Variants in FGF1 observed in about 807,000 individuals in gnomAD.
FGF1 encodes the protein beta-endothelial cell growth factor.
A neutral mutation model predicts 13.4 loss-of-function variants in FGF1; 9 were observed. That is an observed-to-expected ratio of 0.67 (90% CI 0.40 to 1.17). The LOEUF is 1.17. Among genes scored for constraint, FGF1 ranks in the 50% most tolerant of loss-of-function variants. FGF1 has a pLI of 0.01. For missense variants in FGF1, 156 were observed against 192.7 expected, an observed-to-expected ratio of 0.81 and a Z score of 1.13; for synonymous variants, 93 against 79.0, an observed-to-expected ratio of 1.18 and a Z score of -0.94.
chr5:142,651,947 G>A (rs112741316), intron 1 of FGF1, among the ~76,000 whole-genome samples: 3,288 of 151,766 alleles, frequency 0.022, 113 homozygotes, highest in African/African-American at 0.075. Flanking sequence ...GAGAGAATTT[G>A]TAATAACGAT....
At chr5:142,646,761 G>C (rs1449611310) in intron 1 of FGF1, among the ~76,000 whole-genome samples, 1 of 152,182 alleles carries the variant, frequency 6.6e-6, no homozygotes, top group Non-Finnish European at 1.5e-5. Flanking sequence ...CAAAGTGCTA[G>C]GATTACAGGT....
intron 3 of FGF1, among the ~76,000 whole-genome samples, chr5:142,600,456 C>A (rs1210750138): frequency 6.6e-6 from 1 of 152,118 alleles, no homozygotes; most frequent in Non-Finnish European, 1.5e-5. Flanking sequence ...GAAGAGTTAC[C>A]AAAACATCAA....
intron 1 of FGF1, among the ~76,000 whole-genome samples, chr5:142,636,065 C>A (rs1340096849): frequency 2.0e-5 from 3 of 152,162 alleles, no homozygotes; most frequent in Non-Finnish European, 4.4e-5. Context: ...GAGGGTGAGG[C>A]AACATAAGTG....
chr5:142,634,254 C>T (rs568669233), intron 1 of FGF1, among the ~76,000 whole-genome samples: 10 of 151,576 alleles, frequency 6.6e-5, no homozygotes, highest in South Asian at 4.2e-4. Flanking sequence ...TTTATGTGTG[C>T]TCCTTTTATC....
chr5:142,614,497 CAAATT>C (rs1256360396), intron 1 of FGF1, among the ~76,000 whole-genome samples: 3 of 152,158 alleles, frequency 2.0e-5, no homozygotes, highest in African/African-American at 7.2e-5. Context: ...CACACATCCT[CAAATT>C]AAACACCAAA....
chr5:142,692,319 A>G (rs1227756597), intron 2 of FGF1, among the ~76,000 whole-genome samples: 5 of 152,198 alleles, frequency 3.3e-5, no homozygotes, highest in African/African-American at 4.8e-5. Flanking sequence ...CCTGGATGAC[A>G]GAGAAAGACC....
intron 1 of FGF1, among the ~76,000 whole-genome samples, chr5:142,654,229 A>T (rs551021270): frequency 2.2e-4 from 34 of 152,348 alleles, no homozygotes; most frequent in African/African-American, 7.5e-4. Context: ...TTTCTAACAC[A>T]GTGCTCAGCT....
chr5:142,679,720 T>C (rs1773357441), intron 1 of FGF1, among the ~76,000 whole-genome samples: 1 of 152,208 alleles, frequency 6.6e-6, no homozygotes, highest in African/African-American at 2.4e-5. Flanking sequence ...TTCTTCCCTC[T>C]TGGGCCTTGG....
chr5:142,694,973 C>A (rs1434227358), intron 2 of FGF1, among the ~76,000 whole-genome samples: 1 of 152,138 alleles, frequency 6.6e-6, no homozygotes, highest in African/African-American at 2.4e-5. Context: ...TGACCCATCA[C>A]CTGTGCCCTT....
At chr5:142,675,447 T>C (rs1370494113) in intron 1 of FGF1, among the ~76,000 whole-genome samples, 1 of 152,116 alleles carries the variant, frequency 6.6e-6, no homozygotes, top group Non-Finnish European at 1.5e-5. Flanking sequence ...GTGCTCATGG[T>C]CACCTGGTGC....
chr5:142,677,355 C>T (rs529950341), intron 1 of FGF1, among the ~76,000 whole-genome samples: 3 of 152,322 alleles, frequency 2.0e-5, no homozygotes, highest in Admixed American at 2.0e-4. Flanking sequence ...GGATCCATGT[C>T]TCCCTTCTGG....
chr5:142,681,582 T>C (rs1773701867), intron 1 of FGF1, among the ~76,000 whole-genome samples: 1 of 152,226 alleles, frequency 6.6e-6, no homozygotes, highest in South Asian at 2.1e-4. Context: ...TTCCAAATCC[T>C]GGCCTACTTT....
intron 2 of FGF1, among the ~76,000 whole-genome samples, chr5:142,608,803 G>A (rs1758409390): frequency 6.7e-6 from 1 of 149,218 alleles, no homozygotes; most frequent in Admixed American, 6.7e-5. Flanking sequence ...TATTATGTGT[G>A]TGTGTGTGTG....
intron 1 of FGF1, among the ~76,000 whole-genome samples, chr5:142,652,928 G>C (rs1287837748): frequency 5.9e-5 from 9 of 152,218 alleles, no homozygotes; most frequent in African/African-American, 2.2e-4. Flanking sequence ...CATCAAATAA[G>C]ATTTGTTTTC....
At chr5:142,661,288 G>T (rs771145656) in intron 1 of FGF1, among the ~76,000 whole-genome samples, 1 of 152,118 alleles carries the variant, frequency 6.6e-6, no homozygotes. Flanking sequence ...AATCAAAAGC[G>T]CAATATCACT....
chr5:142,631,300 T>A (rs1215221371), intron 1 of FGF1, among the ~76,000 whole-genome samples: 1 of 152,224 alleles, frequency 6.6e-6, no homozygotes, highest in Non-Finnish European at 1.5e-5. Context: ...AACATCCTCC[T>A]GAGAGCCTGC....
chr5:142,670,995 T>C (rs1407390970), intron 1 of FGF1, among the ~76,000 whole-genome samples: 2 of 152,214 alleles, frequency 1.3e-5, no homozygotes, highest in African/African-American at 4.8e-5. Context: ...CTCTACACAA[T>C]TCCACCAGGA....
At chr5:142,690,608 T>G (rs1470614538), upstream of FGF1, among the ~76,000 whole-genome samples, 2 of 152,222 alleles carry the variant, frequency 1.3e-5, no homozygotes, top group African/African-American at 4.8e-5. Flanking sequence ...GTTTGCACAT[T>G]GGTCTAGTTC....
chr5:142,643,510 C>G (rs1384311921), intron 1 of FGF1, among the ~76,000 whole-genome samples: 1 of 152,166 alleles, frequency 6.6e-6, no homozygotes, highest in Non-Finnish European at 1.5e-5. Context: ...ACCTAGGAGG[C>G]AATACCCTGA....
Sources: gnomAD v4.1 joint callset for allele counts (sites outside exome capture counted in the v4.1 genomes callset) on GRCh38, gnomAD v4.1.1 for gene constraint, MANE v1.5 for transcripts, NCBI Gene and HGNC (gene_info 2026-07-23, HGNC 2026-07-21) for gene names.